The following CLEC7A variants were observed in gnomAD, a reference collection of about 807,000 sequenced individuals.
CLEC7A encodes C-type lectin domain family 7 member A.
In CLEC7A, 25 loss-of-function variants were observed where a neutral mutation model predicts 26.9. The observed-to-expected ratio is 0.93, with a 90% CI of 0.68 to 1.30. The LOEUF is 1.30. Ranked by LOEUF, CLEC7A falls within the 50% of genes most tolerant of loss-of-function variation. The pLI, the probability that CLEC7A is intolerant of heterozygous loss-of-function variation, is 0.00. For missense variants in CLEC7A, 275 were observed against 286.7 expected, an observed-to-expected ratio of 0.96 and a Z score of 0.29; for synonymous variants, 100 against 99.5, an observed-to-expected ratio of 1.01 and a Z score of -0.03.
At chr12:10,126,472 A>T (rs1565407712) in intron 3 of CLEC7A, 99 bp downstream of exon 3, 2 of 1,466,314 alleles carry the variant, frequency 1.4e-6, no homozygotes, top group East Asian at 2.4e-5. Flanking sequence ...ATTTACAATC[A>T]TTGAATCTAA....
chr12:10,128,262 A>C (rs1444590039), intron 1 of CLEC7A, among the ~76,000 whole-genome samples: 1 of 150,970 alleles, frequency 6.6e-6, no homozygotes, highest in African/African-American at 2.5e-5. Flanking sequence ...AACAACAACA[A>C]CAAAAAATAC....
chr12:10,126,168 C>T, intron 3 of CLEC7A: 1 of 984,342 alleles, frequency 1.0e-6, no homozygotes, highest in African/African-American at 1.7e-5. Context: ...TCTTTCCTTT[C>T]TCCCTGTCAT....
chr12:10,117,709 T>A lies in CLEC7A; in HGVS notation c.*749A>T, dbSNP rs1180206551. 1 of 152,154 alleles carries A rather than the reference T, an allele frequency of 6.6e-6. No individual in the cohort carries two copies. Among genetic ancestry groups the A allele is most frequent in the Non-Finnish European group, 1.5e-5 (1 of 68,030 alleles). 9.4% of individuals were successfully genotyped at this position (152,154 alleles called of 1,614,324 possible). A position where few individuals can be genotyped will look rare whatever the true frequency, so the allele number is the denominator to read the frequency against. On this transcript the variant is annotated 3_prime_UTR_variant, in exon 6 of 6. Transcript: ENST00000304084. ...GACTGTGGTGAAGATTTTTTCCCAT[T>A]TCTTCATTTAGCTATTCAGAAATAT...
rs1435301634 is a variant in CLEC7A at position 10,130,043 on chromosome 12, C to G, written c.40G>C (p.Gly14Arg). Residue 14 changes from glycine (G) to arginine (R), a missense_variant, in exon 1 of 6, where the codon GGA (glycine) becomes CGA (arginine). Coordinates refer to ENST00000304084, the MANE Select transcript of CLEC7A (RefSeq NM_197947.3). Reference sequence around the variant, plus strand: ...GAGTCGAAGTGTAATTGAGTATATCCATCTTCATCCAAATTTTCTAAATCA... The same window carrying G: ...GAGTCGAAGTGTAATTGAGTATATCGATCTTCATCCAAATTTTCTAAATCA... ...HPDLENLDEDGYTQLHFDSQS... is the reference protein window; with the variant it reads ...HPDLENLDEDRYTQLHFDSQS... 5 of 1,609,064 alleles carry G rather than the reference C, an allele frequency of 3.1e-6. No homozygotes were observed. The South Asian group carries it at 5.5e-5, about 18-fold the overall frequency.
chr12:10,127,404 C>T (rs1055038234), intron 2 of CLEC7A: 28 of 1,613,456 alleles, frequency 1.7e-5, no homozygotes, highest in Non-Finnish European at 2.3e-5. Flanking sequence ...TTGTTTTCTT[C>T]ATTAATTTAT....
At position 10,126,673 on chromosome 12, in the gene CLEC7A, C is replaced by G; in HGVS notation, c.238G>C (p.Glu80Gln). ...WRSNSGSNTL[E>Q]NGYFLSRNKE... ...TTTCTTGATAGAAAGTAGCCATTCT[C>G]CAATGTGTTGCTTCCTGAATTGGAT... Residue 80 changes from glutamate (E) to glutamine (Q), a missense_variant, in exon 3 of 6, where the codon GAG becomes CAG. Transcript: ENST00000304084. 1.9e-6 allele frequency: 3 copies of G among 1,612,382 alleles called. No homozygotes were observed. Among genetic ancestry groups the G allele is most frequent in the South Asian group, 1.1e-5 (1 of 90,876 alleles).
intron 1 of CLEC7A, 54 bp from the exon 2 acceptor site, chr12:10,127,899 G>C: frequency 8.0e-7 from 1 of 1,243,416 alleles, no homozygotes; most frequent in South Asian, 1.5e-5. Context: ...GACGGATGGT[G>C]GGGCAGTTTA....
In CLEC7A at chr12:10,126,316, T is replaced by C. The variant is rs1948283068; in HGVS notation, c.340+255A>G. On this transcript the variant is annotated intron_variant, in intron 3 of 5. Transcript: ENST00000304084. ...GTAGATCTAAGCACATAGCCAGTGA[T>C]AAATCAGTTACTGATTTTAAAAATT... 3.1e-6 allele frequency: 3 copies of C among 982,074 alleles called. No individual in the cohort carries two copies. In the South Asian group the frequency reaches 1.4e-4, roughly 46 times the overall value. 60.8% of individuals were successfully genotyped at this position (982,074 alleles called of 1,614,324 possible).
rs73068857 is a variant in CLEC7A, at chr12:10,121,026, A to G, written c.611+2219T>C. ...GGCCAAGATTGCCCCACTGCACTCC[A>G]GCCTGGGCGATAAAATAAAAATAAA... On this transcript the variant is annotated intron_variant, in intron 5 of 5. Transcript: ENST00000304084. 8.2e-3 allele frequency among the ~76,000 whole-genome samples: 1,222 copies of G among 149,178 alleles called. 22 individuals carry two copies. The highest frequency in any genetic ancestry group is 0.047 in the East Asian group (234 of 4,970).
intron 5 of CLEC7A, among the ~76,000 whole-genome samples, chr12:10,122,782 C>T (rs1204986922): frequency 1.3e-5 from 2 of 152,150 alleles, no homozygotes; most frequent in African/African-American, 4.8e-5. Context: ...TGAGCCACCA[C>T]ACCTGGCCAA....
chr12:10,118,378 T>A lies in CLEC7A; in HGVS notation c.*80A>T. The A allele has an allele frequency of 7.5e-7, 1 of 1,340,454 alleles. No individual in the cohort carries two copies. Among genetic ancestry groups the A allele is most frequent in the Non-Finnish European group, 1.1e-6 (1 of 951,426 alleles). The allele number at this position is 1,340,454 out of a possible 1,614,324, so 83.0% of individuals were successfully genotyped here. On this transcript the variant is annotated 3_prime_UTR_variant, in exon 6 of 6. Transcript: ENST00000304084. ...AACATTTTCTGCATTTATCTTGACC[T>A]CAGCTGTTACTCTTTTCTGTTCTGT...
chr12:10,122,122 T>C (rs570981654), intron 5 of CLEC7A, among the ~76,000 whole-genome samples: 3 of 152,304 alleles, frequency 2.0e-5, no homozygotes, highest in Non-Finnish European at 4.4e-5. Flanking sequence ...CAAAAGTTAC[T>C]TTCTTTGAAA....
Position 10,123,333 on chromosome 12 carries a change from G to T in CLEC7A, c.523C>A (p.Pro175Thr). 1 of 1,610,756 alleles carries T rather than the reference G, an allele frequency of 6.2e-7. No homozygotes were observed. Among genetic ancestry groups the T allele is most frequent in the Non-Finnish European group, 8.5e-7 (1 of 1,176,954 alleles). The part of the protein sequence containing the change: ...GFIVKQVSSQ[P>T]DNSFWIGLSR... Reference sequence around the variant, plus strand: ...AGGCCTATCCAAAATGAATTATCAGGTTGGGAAGACACTTGTTTTACTATA... The same window carrying T: ...AGGCCTATCCAAAATGAATTATCAGTTTGGGAAGACACTTGTTTTACTATA... Residue 175 changes from proline (P) to threonine (T), a missense_variant, in exon 5 of 6, where the codon CCT (proline) becomes ACT (threonine). Coordinates refer to ENST00000304084, the MANE Select transcript of CLEC7A (RefSeq NM_197947.3).
At chr12:10,126,909 T>C in intron 2 of CLEC7A, 1 of 623,368 alleles carries the variant, frequency 1.6e-6, no homozygotes, top group Non-Finnish European at 2.4e-6. Flanking sequence ...ATAAAGGAGG[T>C]ATAGTAAAAA....
chr12:10,124,976 C>A (rs959850360), intron 4 of CLEC7A: 4 of 277,580 alleles, frequency 1.4e-5, no homozygotes, highest in Non-Finnish European at 2.1e-5. Flanking sequence ...GTAGGCAGAT[C>A]GCTTGTGCCC....
chr12:10,127,334 T>C, intron 2 of CLEC7A: 2 of 1,542,698 alleles, frequency 1.3e-6, no homozygotes, highest in Non-Finnish European at 1.8e-6. Flanking sequence ...TAATGTCCAT[T>C]TAGTGAATTT....
At position 10,123,274 on chromosome 12, in the gene CLEC7A, C is replaced by G. The variant is rs1478662106; in HGVS notation, c.582G>C (p.Trp194Cys). 5 of 1,611,328 alleles carry G rather than the reference C, an allele frequency of 3.1e-6. No homozygotes were observed. The African/African-American group carries it at 5.3e-5, about 17-fold the overall frequency. ...SRPQTEVPWL[W>C]EDGSTFSSNL... ...TAGAAGAGAATGTTGATCCATCCTCCCAGAGCCATGGTACCTCAGTCTGGG... is the reference window on the plus strand; with the variant it reads ...TAGAAGAGAATGTTGATCCATCCTCGCAGAGCCATGGTACCTCAGTCTGGG... The change falls in exon 5 of 6, where the codon TGG becomes TGC. Residue 194 changes from tryptophan to cysteine, a missense_variant. By Grantham distance (215) the Trp-to-Cys change is radical. Coordinates refer to ENST00000304084, the MANE Select transcript of CLEC7A (RefSeq NM_197947.3).
chr12:10,125,479 C>A, intron 3 of CLEC7A, 31 bp from the exon 4 acceptor site: 1 of 1,570,606 alleles, frequency 6.4e-7, no homozygotes, highest in South Asian at 1.2e-5. Context: ...CCATGAGGTT[C>A]ATAGCATACC....
At position 10,118,575 on chromosome 12, in the gene CLEC7A, G is replaced by T. The variant is rs753128502; in HGVS notation, c.627C>A (p.Thr209=). ...TFSSNLFQIR[T]TATQENPSPN... ...GAGATGGGTTTTCTTGGGTAGCTGT[G>T]GTTCTGATCTGAAATCTGTTAAAAT... Residue 209 remains threonine, a synonymous_variant, in exon 6 of 6, where the codon ACC becomes ACA. Transcript: ENST00000304084. 1.9e-6 allele frequency: 3 copies of T among 1,612,936 alleles called. No homozygotes were observed. Among genetic ancestry groups the T allele is most frequent in the Non-Finnish European group, 2.5e-6 (3 of 1,179,326 alleles).
Sources: allele counts gnomAD v4.1 joint callset (sites outside exome capture counted in the v4.1 genomes callset), GRCh38; gene constraint gnomAD v4.1.1; transcripts MANE v1.5; gene names NCBI Gene and HGNC (gene_info 2026-07-23, HGNC 2026-07-21).